CDH20: variants seen among roughly 807,000 people sequenced by gnomAD.
CDH20 encodes cadherin 20.
A neutral mutation model predicts 74.2 loss-of-function variants in CDH20; 29 were observed. That is an observed-to-expected ratio of 0.39 (90% CI 0.29 to 0.53). CDH20 has a LOEUF of 0.53. Among genes scored for constraint, CDH20 ranks in the 20% least tolerant of loss-of-function variants. The pLI, the probability that CDH20 is intolerant of heterozygous loss-of-function variation, is 0.69. For synonymous variants in CDH20, 469 were observed against 405.4 expected (o/e 1.16, Z -1.88); for missense variants, 988 against 1,048.3 (o/e 0.94, Z 0.79).
intron 1 of CDH20, among the ~76,000 whole-genome samples, chr18:61,455,362 TA>T (rs1226138052): frequency 6.6e-6 from 1 of 152,200 alleles, no homozygotes; most frequent in Non-Finnish European, 1.5e-5. Flanking sequence ...AATTGATGGG[TA>T]AAATTTTTAA....
intron 7 of CDH20, 96 bp downstream of exon 7, chr18:61,528,316 C>G (rs1912512515): frequency 1.5e-6 from 2 of 1,297,654 alleles, no homozygotes; most frequent in Admixed American, 4.3e-5. Context: ...TCTTTCTTCT[C>G]TATCCCATTT....
At chr18:61,454,500 C>A (rs563404088) in intron 1 of CDH20, among the ~76,000 whole-genome samples, 1 of 152,270 alleles carries the variant, frequency 6.6e-6, no homozygotes, top group East Asian at 1.9e-4. Context: ...GCAAAGAAAA[C>A]ACACAATGCA....
intron 1 of CDH20, among the ~76,000 whole-genome samples, chr18:61,416,158 A>C (rs1015304918): frequency 1.3e-5 from 2 of 152,206 alleles, no homozygotes; most frequent in Non-Finnish European, 2.9e-5. Flanking sequence ...TGTTTAAAGT[A>C]ATAGTAAATT....
chr18:61,544,347 C>G (rs760606891), intron 9 of CDH20, among the ~76,000 whole-genome samples: 50 of 152,234 alleles, frequency 3.3e-4, no homozygotes, highest in Non-Finnish European at 1.6e-4. Flanking sequence ...CTTCTGCAGA[C>G]GGCTTGTATT....
chr18:61,455,425 T>C (rs1909541155), intron 1 of CDH20, among the ~76,000 whole-genome samples: 1 of 152,240 alleles, frequency 6.6e-6, no homozygotes, highest in Non-Finnish European at 1.5e-5. Context: ...AAATTATTTT[T>C]TGGAAAAGAG....
At chr18:61,481,234 A>C (rs1910578991) in intron 1 of CDH20, among the ~76,000 whole-genome samples, 2 of 152,256 alleles carry the variant, frequency 1.3e-5, no homozygotes. Context: ...CCAGGAAAGA[A>C]AATGCACAAA....
chr18:61,482,782 C>G (rs1020131307), intron 1 of CDH20, among the ~76,000 whole-genome samples: 1 of 152,122 alleles, frequency 6.6e-6, no homozygotes, highest in African/African-American at 2.4e-5. Flanking sequence ...CAAGTGTGAA[C>G]CACCACAACT....
At chr18:61,448,283 T>A (rs1456013724) in intron 1 of CDH20, among the ~76,000 whole-genome samples, 1 of 152,206 alleles carries the variant, frequency 6.6e-6, no homozygotes. Context: ...ATGGGAATAA[T>A]GGGATTCCTT....
chr18:61,545,505 C>A lies in CDH20; in HGVS notation c.1648+361C>A, dbSNP rs142724610. Among the ~76,000 whole-genome samples the A allele has an allele frequency of 8.7e-3, 1,325 of 152,242 alleles. 5 individuals carry two copies. Among genetic ancestry groups the A allele is most frequent in the Middle Eastern group, 0.024 (7 of 294 alleles). ...CAGTCAGTAAGTCGGCAGATGTTTA[C>A]TGAGTGCCTGTCCCGTGCCAGAAAC... On this transcript the variant is annotated intron_variant, in intron 10 of 11. Coordinates refer to ENST00000262717, the MANE Select transcript of CDH20 (RefSeq NM_031891.4).
intron 11 of CDH20, among the ~76,000 whole-genome samples, chr18:61,550,527 C>T (rs1394082343): frequency 6.6e-6 from 1 of 152,226 alleles, no homozygotes; most frequent in African/African-American, 2.4e-5. Flanking sequence ...GAGTTTACTT[C>T]AGAACAAAGC....
intron 1 of CDH20, among the ~76,000 whole-genome samples, chr18:61,411,564 A>G (rs922513360): frequency 3.1e-3 from 60 of 19,084 alleles, no homozygotes; most frequent in South Asian, 4.3e-3. Flanking sequence ...ATGTGTATAT[A>G]TGTGTGTGTG....
chr18:61,522,048 A>G (rs949301031), intron 6 of CDH20, among the ~76,000 whole-genome samples: 3 of 152,204 alleles, frequency 2.0e-5, no homozygotes, highest in Non-Finnish European at 4.4e-5. Flanking sequence ...TATTCAACAC[A>G]GTATTGGAAG....
At chr18:61,481,840 C>A (rs1190528744) in intron 1 of CDH20, among the ~76,000 whole-genome samples, 1 of 152,090 alleles carries the variant, frequency 6.6e-6, no homozygotes, top group Non-Finnish European at 1.5e-5. Context: ...ATGAACCCAC[C>A]ATGCCTGGCC....
chr18:61,372,347 T>C (rs1380444366), intron 1 of CDH20, among the ~76,000 whole-genome samples: 1 of 152,116 alleles, frequency 6.6e-6, no homozygotes. Flanking sequence ...TTTCAAATGC[T>C]CAACTCATTT....
intron 1 of CDH20, among the ~76,000 whole-genome samples, chr18:61,436,653 A>G (rs1243111826): frequency 6.6e-6 from 1 of 152,100 alleles, no homozygotes; most frequent in Admixed American, 6.6e-5. Context: ...CAAATAAAGT[A>G]TTTCTATTTG....
chr18:61,519,706 G>T (rs1912122653), intron 6 of CDH20, among the ~76,000 whole-genome samples: 1 of 151,012 alleles, frequency 6.6e-6, no homozygotes, highest in Non-Finnish European at 1.5e-5. Flanking sequence ...TGAAGAAACT[G>T]CAACAACTAA....
chr18:61,545,386 A>C (rs918021753), intron 10 of CDH20, among the ~76,000 whole-genome samples: 2 of 151,546 alleles, frequency 1.3e-5, no homozygotes, highest in African/African-American at 4.8e-5. Flanking sequence ...AGTATTACAG[A>C]CATGAGCCAC....
chr18:61,491,927 C>T (rs1228353250), intron 2 of CDH20, among the ~76,000 whole-genome samples: 1 of 152,062 alleles, frequency 6.6e-6, no homozygotes, highest in Admixed American at 6.5e-5. Flanking sequence ...CACCTGACCC[C>T]ATTTGTTGGT....
intron 1 of CDH20, among the ~76,000 whole-genome samples, chr18:61,427,108 A>G (rs531856867): frequency 1.4e-4 from 21 of 152,318 alleles, no homozygotes; most frequent in Admixed American, 1.3e-3. Flanking sequence ...GAGAGGAAAT[A>G]GGATCAAGAA....
Sources: allele counts gnomAD v4.1 joint callset (sites outside exome capture counted in the v4.1 genomes callset), GRCh38; gene constraint gnomAD v4.1.1; transcripts MANE v1.5; gene names NCBI Gene and HGNC (gene_info 2026-07-23, HGNC 2026-07-21).